FAM219A: variants seen among roughly 807,000 people sequenced by gnomAD.
FAM219A encodes protein FAM219A.
A neutral mutation model predicts 23.4 loss-of-function variants in FAM219A; 7 were observed. The observed-to-expected ratio is 0.30, with a 90% CI of 0.17 to 0.56. The LOEUF is 0.56. Ranked by LOEUF, FAM219A falls within the 20% of genes least tolerant of loss-of-function variation. FAM219A has a pLI of 0.92. For synonymous variants in FAM219A, 93 were observed against 99.0 expected (o/e 0.94, Z 0.36); for missense variants, 166 against 246.9 (o/e 0.67, Z 2.20).
At chr9:34,436,036 C>A (rs28621000) in intron 1 of FAM219A, among the ~76,000 whole-genome samples, 1 of 152,210 alleles carries the variant, frequency 6.6e-6, no homozygotes, top group East Asian at 1.9e-4. Context: ...ATCTCCTGAC[C>A]TCAGGTGATC....
intron 1 of FAM219A, among the ~76,000 whole-genome samples, chr9:34,407,594 A>G (rs1348892408): frequency 3.9e-5 from 6 of 152,202 alleles, no homozygotes; most frequent in African/African-American, 1.4e-4. Flanking sequence ...TAGGGAAGAG[A>G]ACATGATTTG....
intron 5 of FAM219A, 62 bp from the exon 6 acceptor site, chr9:34,401,184 C>G (rs1821413025): frequency 6.3e-7 from 1 of 1,579,120 alleles, no homozygotes; most frequent in African/African-American, 1.3e-5. Flanking sequence ...CACAGCTCTG[C>G]GGCCACTCCA....
At chr9:34,444,899 G>A (rs371484408) in intron 1 of FAM219A, among the ~76,000 whole-genome samples, 13 of 152,244 alleles carry the variant, frequency 8.5e-5, no homozygotes, top group African/African-American at 3.1e-4. Flanking sequence ...ACTTTGTTTA[G>A]TATCTGTCTC....
At chr9:34,420,323 G>A (rs77816445) in intron 1 of FAM219A, among the ~76,000 whole-genome samples, 3,817 of 152,290 alleles carry the variant, frequency 0.025, 168 homozygotes, top group African/African-American at 0.087. Context: ...TAATGGTAGC[G>A]ATATTATCTT....
chr9:34,439,459 A>C (rs1289469800), intron 1 of FAM219A, among the ~76,000 whole-genome samples: 5 of 152,194 alleles, frequency 3.3e-5, no homozygotes, highest in African/African-American at 1.2e-4. Context: ...GTTTCATGCA[A>C]CATCCTTCAA....
intron 1 of FAM219A, among the ~76,000 whole-genome samples, chr9:34,434,632 G>C (rs1822836773): frequency 6.6e-6 from 1 of 152,122 alleles, no homozygotes; most frequent in Non-Finnish European, 1.5e-5. Context: ...TGGGAGGAAG[G>C]CCAGAAGCCA....
rs1242156365 is a variant in FAM219A at position 34,417,861 on chromosome 9, A to T, written c.61-11897T>A. 1.6e-4 allele frequency among the ~76,000 whole-genome samples: 25 copies of T among 152,206 alleles called. No individual in the cohort carries two copies. ...GACTTGAGGCCACCAATTAAGAACAAAAGGAGGGAAGACTCTTACACTGAA... is the reference window on the plus strand; with the variant it reads ...GACTTGAGGCCACCAATTAAGAACATAAGGAGGGAAGACTCTTACACTGAA... On this transcript the variant is annotated intron_variant, in intron 1 of 5. Transcript: ENST00000651358. This position sits in a 1 kb window ranked among gnomAD's most constrained non-coding sequence, Gnocchi z 4.1.
At chr9:34,452,639 C>T (rs1823598254) in intron 1 of FAM219A, among the ~76,000 whole-genome samples, 1 of 152,206 alleles carries the variant, frequency 6.6e-6, no homozygotes, top group South Asian at 2.1e-4. Context: ...AATCTCTCAT[C>T]CACCACTAAC....
At chr9:34,453,983 G>A (rs978614283) in intron 1 of FAM219A, among the ~76,000 whole-genome samples, 2 of 152,214 alleles carry the variant, frequency 1.3e-5, no homozygotes, top group African/African-American at 4.8e-5. Context: ...TCAGTGAGGT[G>A]TATGGCTCAG....
At chr9:34,441,199 A>G (rs1390321487) in intron 1 of FAM219A, among the ~76,000 whole-genome samples, 1 of 152,224 alleles carries the variant, frequency 6.6e-6, no homozygotes, top group African/African-American at 2.4e-5. Context: ...AGCTCAGGAA[A>G]CAAGTAAGAC....
intron 1 of FAM219A, among the ~76,000 whole-genome samples, chr9:34,410,348 T>C (rs1821778573): frequency 6.6e-6 from 1 of 151,778 alleles, no homozygotes; most frequent in African/African-American, 2.4e-5. Context: ...TAAAATTGGG[T>C]GGTAAAAAAG....
At chr9:34,418,574 A>G (rs1822124972) in intron 1 of FAM219A, among the ~76,000 whole-genome samples, 1 of 152,148 alleles carries the variant, frequency 6.6e-6, no homozygotes, top group Non-Finnish European at 1.5e-5. Flanking sequence ...TCATCCCCTT[A>G]GCCAGATGTT....
chr9:34,416,221 A>T lies in FAM219A; in HGVS notation c.61-10257T>A, dbSNP rs906790891. Among the ~76,000 whole-genome samples the T allele has an allele frequency of 5.9e-3, 794 of 135,466 alleles. 13 individuals are homozygous for T. Among genetic ancestry groups the T allele is most frequent in the Non-Finnish European group, 9.0e-3 (567 of 63,064 alleles). 88.9% of individuals were successfully genotyped at this position (135,466 alleles called of 152,430 possible). A position where few individuals can be genotyped will look rare whatever the true frequency, so the allele number is the denominator to read the frequency against. On this transcript the variant is annotated intron_variant, in intron 1 of 5. Transcript: ENST00000651358. ...AAAGAAAGAAAGAAAGAAAGAAAGA[A>T]AGAAAGAAAGAAAGAAAGAAAGAAA... is the stretch of plus-strand genomic sequence containing the variant.
intron 1 of FAM219A, among the ~76,000 whole-genome samples, chr9:34,412,072 G>A (rs955110978): frequency 2.0e-5 from 3 of 152,146 alleles, no homozygotes; most frequent in African/African-American, 4.8e-5. Context: ...AGAAGATGAC[G>A]GGGAGCCAAT....
chr9:34,414,196 G>A (rs193211028), intron 1 of FAM219A, among the ~76,000 whole-genome samples: 3 of 152,324 alleles, frequency 2.0e-5, no homozygotes, highest in Admixed American at 2.0e-4. Flanking sequence ...TCAGCCTAAA[G>A]CATTCCCATC....
At chr9:34,455,940 C>T (rs891677432) in intron 1 of FAM219A, among the ~76,000 whole-genome samples, 5 of 152,212 alleles carry the variant, frequency 3.3e-5, no homozygotes, top group Admixed American at 1.3e-4. Flanking sequence ...CTCTTGTAAT[C>T]CTAGCATTTT....
chr9:34,435,813 CT>C (rs34610997), intron 1 of FAM219A, among the ~76,000 whole-genome samples: 4 of 148,972 alleles, frequency 2.7e-5, no homozygotes, highest in Non-Finnish European at 4.5e-5. Flanking sequence ...GTTTAGATTG[CT>C]TTTTTTTTTG....
At chr9:34,405,829 C>T (rs1343838646) in intron 2 of FAM219A, 36 bp downstream of exon 2, 1 of 1,599,082 alleles carries the variant, frequency 6.3e-7, no homozygotes, top group Non-Finnish European at 8.6e-7. Context: ...ATCTTGCCTA[C>T]TCCCCACATC....
chr9:34,444,154 A>C (rs1823284817), intron 1 of FAM219A, among the ~76,000 whole-genome samples: 1 of 152,184 alleles, frequency 6.6e-6, no homozygotes, highest in African/African-American at 2.4e-5. Context: ...ATCCTCAGGG[A>C]ACAGCTTTGG....
Sources: allele counts gnomAD v4.1 joint callset (sites outside exome capture counted in the v4.1 genomes callset), GRCh38; gene constraint gnomAD v4.1.1; non-coding constraint Gnocchi (gnomAD v3.1); transcripts MANE v1.5; gene names NCBI Gene and HGNC (gene_info 2026-07-23, HGNC 2026-07-21).